Variants in MATK observed in about 807,000 individuals in gnomAD.
MATK encodes megakaryocyte-associated tyrosine-protein kinase.
A neutral mutation model predicts 59.8 loss-of-function variants in MATK; 41 were observed. That is an observed-to-expected ratio of 0.69 (90% CI 0.53 to 0.89). MATK has a LOEUF of 0.89. Among genes scored for constraint, MATK ranks in the 40% least tolerant of loss-of-function variants. The pLI, the probability that MATK is intolerant of heterozygous loss-of-function variation, is 0.00. For missense variants in MATK, 593 were observed against 719.6 expected (o/e 0.82, Z 2.01); for synonymous variants, 308 against 306.1 (o/e 1.01, Z -0.06).
intron 8 of MATK, among the ~76,000 whole-genome samples, chr19:3,780,308 AAGAG>A (rs950657007): frequency 6.6e-5 from 10 of 152,014 alleles, no homozygotes; most frequent in South Asian, 4.2e-4. Context: ...AACAAAAACA[AAGAG>A]AGAACCATCT....
Position 3,783,107 on chromosome 19 carries a change from C to T in MATK, c.676+19G>A. ...AACGTGGGTAGGGAAGGGGGTCTGCCCTCCTGGGCGTCCCCTACCCCTGGC... is the reference window on the plus strand; with the variant it reads ...AACGTGGGTAGGGAAGGGGGTCTGCTCTCCTGGGCGTCCCCTACCCCTGGC... On this transcript the variant is annotated intron_variant, in intron 7 of 13. Transcript: ENST00000310132. 6.2e-7 allele frequency: 1 copy of T among 1,612,638 alleles called. No individual in the cohort carries two copies. The highest frequency in any genetic ancestry group is 2.2e-5 in the East Asian group (1 of 44,870).
At chr19:3,783,779 T>C in intron 6 of MATK, 35 bp downstream of exon 6, 2 of 1,585,650 alleles carry the variant, frequency 1.3e-6, no homozygotes, top group Non-Finnish European at 1.7e-6. Context: ...GCTGCCCCAC[T>C]GCAGGGACGG....
chr19:3,792,839 C>G lies in MATK; in HGVS notation c.-57-3435G>C, dbSNP rs182278588. Among the ~76,000 whole-genome samples the G allele has an allele frequency of 1.8e-3, 268 of 152,252 alleles. 1 individual carries two copies. Among genetic ancestry groups the G allele is most frequent in the African/African-American group, 6.2e-3 (258 of 41,564 alleles). On this transcript the variant is annotated intron_variant, in intron 1 of 13. Coordinates refer to the MATK transcript ENST00000395045. ...AGCCTCACAATTGAACTTTCTGAAC[C>G]TGGAGGACAGGCCGGGGTGGGGAGG... is the stretch of plus-strand genomic sequence containing the variant.
At position 3,779,453 on chromosome 19, in the gene MATK, T is replaced by C. The variant is rs766240755; in HGVS notation, c.928-2A>G. The C allele has an allele frequency of 5.0e-6, 8 of 1,613,110 alleles. No homozygotes were observed. The highest frequency in any genetic ancestry group is 6.8e-6 in the Non-Finnish European group (8 of 1,179,954). ...CCGCAGAAAGTTCACCAGGTTGCCC[T>C]GTTGGGGGTGGGAGATGGCCGCGGG... is the stretch of plus-strand genomic sequence containing the variant. On this transcript the variant is annotated splice_acceptor_variant, in intron 10 of 13. Transcript: ENST00000310132. LOFTEE classifies it high-confidence loss of function.
At position 3,779,547 on chromosome 19, in the gene MATK, C is replaced by T; in HGVS notation, c.913G>A (p.Glu305Lys). The change falls in exon 10 of 14, where the codon GAG becomes AAG. Residue 305 changes from glutamate (E) to lysine (K), a missense_variant. Coordinates refer to ENST00000310132, the MANE Select transcript of MATK (RefSeq NM_139355.3). ...CCCCGCCCCACCTTGCTCACGTGCT[C>T]CATGACAATGTACAGCCCCTGGTGC... ...ILHQGLYIVM[E>K]HVSKGNLVNF... is the part of the protein sequence containing the mutation. 2.5e-6 allele frequency: 4 copies of T among 1,611,824 alleles called. No homozygotes were observed. Among genetic ancestry groups the T allele is most frequent in the Non-Finnish European group, 1.7e-6 (2 of 1,179,414 alleles).
At chr19:3,789,273 C>T (rs768685141), upstream of MATK, 11 of 777,736 alleles carry the variant, frequency 1.4e-5, no homozygotes, top group Admixed American at 1.7e-4. Flanking sequence ...TGATTCTCAC[C>T]AGAAGCTGCT....
rs531526561 is a variant in MATK, at chr19:3,784,254, G to A, written c.247-15C>T. ...CAGCTCTTGTTCTGCCAGGGAGGAA[G>A]CACGGGGTTAGTGTGGGGGGTGTGG... On this transcript the variant is annotated splice_polypyrimidine_tract_variant and intron_variant, in intron 4 of 13. Transcript: ENST00000310132. 6.1e-5 allele frequency: 98 copies of A among 1,607,186 alleles called. 1 individual carries two copies. In the South Asian group the frequency reaches 1.0e-3, roughly 17 times the overall value.
At chr19:3,791,733 C>T (rs934045658) in intron 1 of MATK, among the ~76,000 whole-genome samples, 1 of 152,288 alleles carries the variant, frequency 6.6e-6, no homozygotes, top group Middle Eastern at 3.4e-3. Context: ...CATAGACCCC[C>T]CTCTGGCTGT....
chr19:3,784,789 C>A (rs2037456192), intron 3 of MATK, 36 bp downstream of exon 3: 2 of 1,515,558 alleles, frequency 1.3e-6, no homozygotes, highest in Non-Finnish European at 9.0e-7. Context: ...TGAAGAAGGA[C>A]CCGGGGAGCA....
chr19:3,786,391 T>C (rs939291351), upstream of MATK: 1 of 980,218 alleles, frequency 1.0e-6, no homozygotes, highest in African/African-American at 1.8e-5. This position sits in a 1 kb window ranked among gnomAD's most constrained non-coding sequence, Gnocchi z 4.1. Flanking sequence ...TGCGGTCTCC[T>C]CCGCGCGCCG....
At chr19:3,797,238 A>AC (rs146631970) in intron 1 of MATK, among the ~76,000 whole-genome samples, 43,239 of 84,216 alleles carry the variant, frequency 0.51, 8,072 homozygotes, top group East Asian at 0.63. Flanking sequence ...CTTCCCCCCC[A>AC]CCCCCCCACT....
chr19:3,789,560 G>T (rs1171188670), upstream of MATK, among the ~76,000 whole-genome samples: 1 of 152,124 alleles, frequency 6.6e-6, no homozygotes, highest in Admixed American at 6.6e-5. Flanking sequence ...AATTGTCAAG[G>T]GCTGGCTGGG....
At chr19:3,780,090 G>A (rs1599194953) in intron 8 of MATK, among the ~76,000 whole-genome samples, 1 of 152,172 alleles carries the variant, frequency 6.6e-6, no homozygotes. Flanking sequence ...AGACCAGCCC[G>A]ACTAACATGG....
rs1034941592 is a variant in MATK at position 3,778,953 on chromosome 19, G to A, written c.1197+39C>T. 2.7e-6 allele frequency: 4 copies of A among 1,499,696 alleles called. 1 individual carries two copies. Among genetic ancestry groups the A allele is most frequent in the South Asian group, 2.6e-5 (2 of 75,530 alleles). 92.9% of individuals were successfully genotyped at this position (1,499,696 alleles called of 1,614,324 possible). A position where few individuals can be genotyped will look rare whatever the true frequency, so the allele number is the denominator to read the frequency against. On this transcript the variant is annotated intron_variant, in intron 12 of 13. Transcript: ENST00000310132. ...CAGGGTCATACAGCAGAGCTGGGGGGACCCCAAAGCCCCAGGGGTATGTGA... is the reference window on the plus strand; with the variant it reads ...CAGGGTCATACAGCAGAGCTGGGGGAACCCCAAAGCCCCAGGGGTATGTGA...
chr19:3,794,359 G>T (rs566831061), intron 1 of MATK, among the ~76,000 whole-genome samples: 1 of 152,238 alleles, frequency 6.6e-6, no homozygotes, highest in Non-Finnish European at 1.5e-5. Flanking sequence ...AGAGGGTAAA[G>T]TCTGAGGAAG....
rs1049336536 is a variant in MATK, at chr19:3,785,065, C to G, written c.71G>C (p.Arg24Pro). The G allele has an allele frequency of 2.5e-6, 4 of 1,613,844 alleles. No homozygotes were observed. Among genetic ancestry groups the G allele is most frequent in the Non-Finnish European group, 2.5e-6 (3 of 1,179,904 alleles). The change falls in exon 2 of 14, where the codon CGG becomes CCG. Residue 24 changes from arginine to proline, a missense_variant and splice_region_variant. Coordinates refer to ENST00000310132, the MANE Select transcript of MATK (RefSeq NM_139355.3). ...HGCDSAEELP[R>P]VSPRFLRAWH... Reference sequence around the variant, plus strand: ...CCCCTGTGGGGAAGTGATCTTTACCCGGGGAAGTTCCTCAGCAGAATCACA... The same window carrying G: ...CCCCTGTGGGGAAGTGATCTTTACCGGGGGAAGTTCCTCAGCAGAATCACA...
chr19:3,799,523 C>T (rs73535373), intron 1 of MATK, among the ~76,000 whole-genome samples: 8,487 of 152,254 alleles, frequency 0.056, 791 homozygotes, highest in African/African-American at 0.19. Flanking sequence ...AACACACAGA[C>T]GGAATTAATG....
upstream of MATK, chr19:3,789,435 C>T (rs1326064278): frequency 2.3e-5 from 14 of 603,682 alleles, no homozygotes; most frequent in Non-Finnish European, 3.7e-5. Flanking sequence ...TGTCAGTCCT[C>T]CCGAGGAGCC....
At chr19:3,790,050 C>T (rs140378737), upstream of MATK, among the ~76,000 whole-genome samples, 424 of 152,090 alleles carry the variant, frequency 2.8e-3, 12 homozygotes, top group East Asian at 0.05. Flanking sequence ...TACAGGTGCC[C>T]GCCACCATGC....
Sources: gnomAD v4.1 joint callset for allele counts (sites outside exome capture counted in the v4.1 genomes callset) on GRCh38, gnomAD v4.1.1 for gene constraint, Gnocchi (gnomAD v3.1) non-coding constraint, MANE v1.5 for transcripts, NCBI Gene and HGNC (gene_info 2026-07-23, HGNC 2026-07-21) for gene names.